The following XDH variants were observed in gnomAD, a reference collection of about 807,000 sequenced individuals.
XDH encodes xanthine dehydrogenase.
Under a neutral mutation model 156.1 loss-of-function variants are expected in XDH, and 138 were observed. That is an observed-to-expected ratio of 0.88 (90% confidence interval 0.77 to 1.02). The LOEUF (loss-of-function observed/expected upper bound fraction) is 1.02. Ranked by LOEUF, XDH falls within the 50% of genes least tolerant of loss-of-function variation. XDH has a pLI of 0.00. For synonymous variants in XDH, 669 were observed against 625.7 expected, an observed-to-expected ratio of 1.07 and a Z score of -1.03; for missense variants, 1,849 against 1,684.9, an observed-to-expected ratio of 1.10 and a Z score of -1.71.
intron 29 of XDH, among the ~76,000 whole-genome samples, chr2:31,347,307 A>C (rs1408820433): frequency 6.6e-6 from 1 of 152,038 alleles, no homozygotes; most frequent in African/African-American, 2.4e-5. Context: ...TCCTGCACTC[A>C]TCCTTCCCAG....
chr2:31,376,673 A>C (rs1176175189), intron 14 of XDH, among the ~76,000 whole-genome samples: 1 of 149,960 alleles, frequency 6.7e-6, no homozygotes, highest in African/African-American at 2.4e-5. Flanking sequence ...CTGCAGTGAT[A>C]GTAGTAGCAA....
chr2:31,365,476 G>A lies in XDH; in HGVS notation c.2525C>T (p.Pro842Leu). Residue 842 changes from proline to leucine, a missense_variant, in exon 23 of 36, where the codon CCC becomes CTC. Physicochemically the swap from Pro to Leu is moderately conservative, Grantham distance 98. Transcript: ENST00000379416. ...EDMLITGGRH[P>L]FLARYKVGFM... ...TAGAACCTTGTATCTGGCCAGGAAG[G>A]GATGTCTGCCACCAGTTATCAGCAT... is the stretch of plus-strand genomic sequence containing the variant. The A allele has an allele frequency of 6.2e-7, 1 of 1,614,168 alleles. No homozygotes were observed. The highest frequency in any genetic ancestry group is 8.5e-7 in the Non-Finnish European group (1 of 1,180,036).
At chr2:31,378,222 T>A (rs762248852) in intron 13 of XDH, among the ~76,000 whole-genome samples, 1 of 151,202 alleles carries the variant, frequency 6.6e-6, no homozygotes, top group Non-Finnish European at 1.5e-5. Flanking sequence ...AAAGAAAATA[T>A]CACTATCACA....
intron 6 of XDH, among the ~76,000 whole-genome samples, chr2:31,391,907 G>C (rs1686774771): frequency 6.6e-6 from 1 of 152,182 alleles, no homozygotes; most frequent in Admixed American, 6.5e-5. Flanking sequence ...TTAAATGTTT[G>C]ATAGGATTTA....
intron 3 of XDH, among the ~76,000 whole-genome samples, chr2:31,402,586 A>G (rs1687090407): frequency 6.6e-6 from 1 of 152,098 alleles, no homozygotes; most frequent in South Asian, 2.1e-4. Flanking sequence ...AGATAGAGAA[A>G]TCCTAGGAGA....
At chr2:31,339,291 A>G (rs992187502) in intron 34 of XDH, among the ~76,000 whole-genome samples, 198 bp downstream of exon 34, 1 of 152,146 alleles carries the variant, frequency 6.6e-6, no homozygotes, top group Admixed American at 6.5e-5. Context: ...TGCTCTCCTC[A>G]ACCCAATTTA....
intron 24 of XDH, among the ~76,000 whole-genome samples, chr2:31,362,830 A>T (rs1401371275): frequency 6.6e-6 from 1 of 152,222 alleles, no homozygotes; most frequent in Non-Finnish European, 1.5e-5. Context: ...GAATTTAGTC[A>T]AGAGAAATCA....
chr2:31,345,575 C>A (rs927323317), intron 30 of XDH, among the ~76,000 whole-genome samples: 2 of 152,162 alleles, frequency 1.3e-5, no homozygotes, highest in East Asian at 3.8e-4. Context: ...CTCACAACCC[C>A]AGAAAACCTA....
At chr2:31,406,191 G>T (rs1020442542) in intron 1 of XDH, among the ~76,000 whole-genome samples, 15 of 152,078 alleles carry the variant, frequency 9.9e-5, no homozygotes, top group African/African-American at 2.4e-4. Flanking sequence ...CTCATGAATG[G>T]CTTAGTGCCA....
Position 31,383,865 on chromosome 2 carries a change from G to A in XDH, c.794-18C>T, listed in dbSNP as rs2148782478. 1 of 1,611,304 alleles carries A rather than the reference G, an allele frequency of 6.2e-7. No homozygotes were observed. Among genetic ancestry groups the A allele is most frequent in the Non-Finnish European group, 8.5e-7 (1 of 1,178,328 alleles). ...CTCAATGCCTAGAGAGAAACAAGAA[G>A]CTGAAGTTGTAGGCCCATTGTTGTA... On this transcript the variant is annotated intron_variant, in intron 9 of 35. Transcript: ENST00000379416.
At chr2:31,339,856 C>T (rs1685079168) in intron 33 of XDH, among the ~76,000 whole-genome samples, 179 bp from the exon 34 acceptor site, 1 of 152,192 alleles carries the variant, frequency 6.6e-6, no homozygotes. Flanking sequence ...GGACTTCTGC[C>T]AGGCTTTGGC....
At position 31,377,143 on chromosome 2, in the gene XDH, G is replaced by T. The variant is rs1268265275; in HGVS notation, c.1337C>A (p.Thr446Asn). 1 of 1,614,014 alleles carries T rather than the reference G, an allele frequency of 6.2e-7. No homozygotes were observed. The highest frequency in any genetic ancestry group is 8.5e-7 in the Non-Finnish European group (1 of 1,180,038). ...SGMRVLFKPG[T>N]TEVQELALCY... ...AAGGGCCAGCTCCTGTACCTCTGTG[G>T]TTCCTGGCTTGAATAAAACTCTCAT... The change falls in exon 14 of 36, where the codon ACC (threonine) becomes AAC (asparagine). Residue 446 changes from threonine (T) to asparagine (N), a missense_variant. By Grantham distance (65) the Thr-to-Asn change is moderately conservative. Coordinates refer to ENST00000379416, the MANE Select transcript of XDH (RefSeq NM_000379.4).
In XDH at chr2:31,373,887, C is replaced by T. The variant is rs1686149426; in HGVS notation, c.1672G>A (p.Val558Ile). ...ACCGTACTCACTTGGAAGAGCTGGA[C>T]ATCGGCTGGGGGGTCTTTCTGAAAC... Reference protein sequence around the residue: ...LLFQKDPPADVQLFQEVPKGQ... With the variant: ...LLFQKDPPADIQLFQEVPKGQ... Residue 558 changes from valine (V) to isoleucine (I), a missense_variant, in exon 16 of 36, where the codon GTC (valine) becomes ATC (isoleucine). By Grantham distance (29) the Val-to-Ile change is conservative. Transcript: ENST00000379416. 6.2e-7 allele frequency: 1 copy of T among 1,613,880 alleles called. No individual in the cohort carries two copies. Among genetic ancestry groups the T allele is most frequent in the South Asian group, 1.1e-5 (1 of 91,040 alleles).
intron 24 of XDH, among the ~76,000 whole-genome samples, chr2:31,360,508 AAAAT>A (rs146614493): frequency 0.014 from 2,207 of 152,246 alleles, 54 homozygotes; most frequent in African/African-American, 0.051. Context: ...CTCAAAACAA[AAAAT>A]AAATAAAATA....
chr2:31,411,112 A>G (rs573914450), intron 1 of XDH, among the ~76,000 whole-genome samples: 1 of 151,504 alleles, frequency 6.6e-6, no homozygotes, highest in Admixed American at 6.6e-5. Flanking sequence ...TAGAACCCCA[A>G]CTCTACTAAA....
chr2:31,350,321 C>T, intron 24 of XDH, 98 bp from the exon 25 acceptor site: 1 of 1,144,312 alleles, frequency 8.7e-7, no homozygotes, highest in Non-Finnish European at 1.3e-6. Context: ...GCCTGCCTTT[C>T]CCCTCTGCAC....
At chr2:31,339,215 G>A (rs2148748210) in intron 34 of XDH, among the ~76,000 whole-genome samples, 1 of 152,282 alleles carries the variant, frequency 6.6e-6, no homozygotes, top group South Asian at 2.1e-4. Context: ...GGATTTAAAT[G>A]AGAAGATTTG....
chr2:31,350,533 G>A (rs1024005310), intron 24 of XDH, among the ~76,000 whole-genome samples: 9 of 151,662 alleles, frequency 5.9e-5, no homozygotes, highest in African/African-American at 9.7e-5. Flanking sequence ...CGCACCACAC[G>A]CCCAGCTAAT....
intron 6 of XDH, among the ~76,000 whole-genome samples, chr2:31,395,978 T>G (rs561408679): frequency 6.6e-6 from 1 of 152,344 alleles, no homozygotes; most frequent in Non-Finnish European, 1.5e-5. Flanking sequence ...GTGAGCAGTG[T>G]GCCCACCTCT....
Sources: gnomAD v4.1 joint callset for allele counts (sites outside exome capture counted in the v4.1 genomes callset) on GRCh38, gnomAD v4.1.1 for gene constraint, MANE v1.5 for transcripts, NCBI Gene and HGNC (gene_info 2026-07-23, HGNC 2026-07-21) for gene names.